The following MYH7B variants were observed in gnomAD, a reference collection of about 807,000 sequenced individuals.
MYH7B encodes the protein myosin heavy chain 7B.
MYH7B carries 205 observed loss-of-function variants against 234.5 expected under a neutral mutation model. The observed-to-expected ratio is 0.87, with a 90% CI of 0.78 to 0.98. The LOEUF (loss-of-function observed/expected upper bound fraction) is 0.98, where lower values mean the gene tolerates loss of function less well. Among genes scored for constraint, MYH7B ranks in the 50% least tolerant of loss-of-function variants. The probability of loss-of-function intolerance (pLI) is 0.00; values close to 1 mark genes in which losing one functional copy is unlikely to be tolerated. For missense variants in MYH7B, 2,652 were observed against 2,633.4 expected, an observed-to-expected ratio of 1.01 and a Z score of -0.15; for synonymous variants, 1,193 against 1,105.0, an observed-to-expected ratio of 1.08 and a Z score of -1.58.
In MYH7B at chr20:34,977,532, G is replaced by A. The variant is rs74513708; in HGVS notation, c.-121-100G>A. The A allele has an allele frequency of 2.6e-3, 2,819 of 1,099,146 alleles. 9 individuals carry two copies. The highest frequency in any genetic ancestry group is 3.3e-3 in the Non-Finnish European group (2,445 of 739,134). The allele number at this position is 1,099,146 out of a possible 1,614,324, so 68.1% of individuals were successfully genotyped here. On this transcript the variant is annotated intron_variant, in intron 3 of 44. Transcript: ENST00000262873. ...AAATAGCCCAGGGGCCGTGCTGGTG[G>A]AGATAAAAGGGAATTTGCCTTTTGT... is the stretch of plus-strand genomic sequence containing the variant.
At chr20:34,986,984 A>C in exon 15 of MYH7B, 1 of 1,613,286 alleles carries the variant, frequency 6.2e-7, no homozygotes, top group Non-Finnish European at 8.5e-7. Context: ...GCTCATCGCC[A>C]CCGACGTATG....
At chr20:34,990,884 C>G (rs1182802669) in intron 23 of MYH7B, 59 bp downstream of exon 23, 3 of 1,597,062 alleles carry the variant, frequency 1.9e-6, no homozygotes, top group Non-Finnish European at 2.6e-6. Context: ...GGTGACAGGG[C>G]AGAGGCCGGG....
At chr20:34,974,510 G>C (rs1246319195) in intron 2 of MYH7B, among the ~76,000 whole-genome samples, 1 of 152,152 alleles carries the variant, frequency 6.6e-6, no homozygotes, top group Admixed American at 6.5e-5. Flanking sequence ...GGGAACCTAC[G>C]AGGAAGATCT....
intron 36 of MYH7B, 35 bp downstream of exon 36, chr20:34,999,440 C>T: frequency 2.0e-6 from 3 of 1,515,010 alleles, no homozygotes; most frequent in Non-Finnish European, 2.6e-6. Flanking sequence ...CAGGGTGCTG[C>T]CCTGGGGTCG....
intron 16 of MYH7B, 91 bp downstream of exon 16, chr20:34,987,378 C>T (rs1340796804): frequency 1.3e-6 from 2 of 1,547,950 alleles, no homozygotes; most frequent in Non-Finnish European, 1.8e-6. Flanking sequence ...CAACCTTTAA[C>T]CTCAGTCTTA....
At chr20:34,987,152 G>A (rs767818871) in exon 16 of MYH7B, 2 of 1,613,358 alleles carry the variant, frequency 1.2e-6, no homozygotes, top group South Asian at 1.1e-5. Flanking sequence ...CCCCCAGCAT[G>A]CCATGGACAT....
At chr20:34,987,438 T>C in intron 16 of MYH7B, 119 bp from the exon 17 acceptor site, 2 of 1,410,966 alleles carry the variant, frequency 1.4e-6, no homozygotes, top group Admixed American at 1.9e-5. Flanking sequence ...GAGGCTTTGT[T>C]TGCTAGCCCT....
intron 9 of MYH7B, chr20:34,981,311 C>T: frequency 6.5e-6 from 3 of 463,422 alleles, no homozygotes; most frequent in Non-Finnish European, 7.6e-6. Context: ...CCCCACACCT[C>T]CTCTCCCCGG....
chr20:34,978,043 A>G, exon 5 of MYH7B: 9 of 1,613,826 alleles, frequency 5.6e-6, no homozygotes, highest in Non-Finnish European at 7.6e-6. Flanking sequence ...TCTGCCCGCT[A>G]CCTCCGCCAG....
At chr20:34,999,184 A>G (rs768280811) in exon 36 of MYH7B, 4 of 1,613,566 alleles carry the variant, frequency 2.5e-6, no homozygotes, top group Non-Finnish European at 3.4e-6. Context: ...CTGGAGCTGG[A>G]GCGGGCGACC....
In MYH7B at chr20:34,987,294, G is replaced by C; in HGVS notation, c.1147+7G>C. 6.2e-7 allele frequency: 1 copy of C among 1,609,640 alleles called. No individual in the cohort carries two copies. Among genetic ancestry groups the C allele is most frequent in the East Asian group, 2.2e-5 (1 of 44,864 alleles). ...GAGGCCGATGGCACTGAGAGTGAGG[G>C]GCCCTAACCTGGCCTTCAACTTGAC... On this transcript the variant is annotated splice_region_variant and intron_variant, in intron 16 of 44. Transcript: ENST00000262873.
intron 2 of MYH7B, among the ~76,000 whole-genome samples, chr20:34,972,054 G>T (rs1338892056): frequency 6.6e-6 from 1 of 152,086 alleles, no homozygotes; most frequent in African/African-American, 2.4e-5. Context: ...AGACCCATCC[G>T]CTCTCACCCG....
At chr20:34,963,986 G>A (rs1350481038) in intron 2 of MYH7B, among the ~76,000 whole-genome samples, 2 of 152,024 alleles carry the variant, frequency 1.3e-5, no homozygotes, top group Non-Finnish European at 2.9e-5. Flanking sequence ...TACCAAAGTG[G>A]CAGCAATTGT....
intron 2 of MYH7B, among the ~76,000 whole-genome samples, chr20:34,974,840 T>C (rs900540447): frequency 1.3e-5 from 2 of 152,242 alleles, no homozygotes; most frequent in Non-Finnish European, 2.9e-5. Flanking sequence ...TTCTATGATG[T>C]GCAGGCACTT....
exon 8 of MYH7B, chr20:34,980,727 G>A: frequency 1.2e-6 from 2 of 1,613,926 alleles, no homozygotes; most frequent in Non-Finnish European, 1.7e-6. Context: ...ACAACGACAT[G>A]CTGCGCAGTA....
At chr20:34,974,936 C>T (rs538032096) in intron 2 of MYH7B, among the ~76,000 whole-genome samples, 1 of 152,184 alleles carries the variant, frequency 6.6e-6, no homozygotes, top group East Asian at 1.9e-4. Flanking sequence ...ACAATCTAAG[C>T]TCTACAAAGA....
rs140469375 is a variant in MYH7B, at chr20:34,976,415, G to A, written c.-122+916G>A. Among the ~76,000 whole-genome samples the A allele has an allele frequency of 1.4e-4, 21 of 152,326 alleles. No homozygotes were observed. In the East Asian group the frequency reaches 3.1e-3, roughly 22 times the overall value. On this transcript the variant is annotated intron_variant, in intron 3 of 44. Transcript: ENST00000262873. ...AACTCCATTGTTCCATGTGTCTGGC[G>A]TCTGAGGTTCTCAGATCCTTTCATT... is the stretch of plus-strand genomic sequence containing the variant.
At chr20:34,998,388 A>G (rs2082303394) in exon 33 of MYH7B, 1 of 1,613,596 alleles carries the variant, frequency 6.2e-7, no homozygotes, top group South Asian at 1.1e-5. Context: ...GGCGGACGCA[A>G]GCACGCAGCG....
chr20:34,980,713 G>A (rs371539151), exon 8 of MYH7B: 7 of 1,613,978 alleles, frequency 4.3e-6, no homozygotes, highest in East Asian at 2.2e-5. Context: ...GGCGGACAAC[G>A]CCTACAACGA....
Sources: gnomAD v4.1 joint callset for allele counts (sites outside exome capture counted in the v4.1 genomes callset) on GRCh38, gnomAD v4.1.1 for gene constraint, MANE v1.5 for transcripts, NCBI Gene and HGNC (gene_info 2026-07-23, HGNC 2026-07-21) for gene names.